MTOR: variants seen among roughly 807,000 people sequenced by gnomAD.
The protein encoded by MTOR is mechanistic target of rapamycin kinase.
Under a neutral mutation model 319.8 loss-of-function variants are expected in MTOR, and 70 were observed. The observed-to-expected ratio is 0.22, with a 90% CI of 0.18 to 0.27. The LOEUF is 0.27. Ranked by LOEUF, MTOR falls within the 10% of genes least tolerant of loss-of-function variation. The pLI is 1.00. For synonymous variants in MTOR, 1,183 were observed against 1,211.4 expected (o/e 0.98, Z 0.49); for missense variants, 1,890 against 3,274.4 (o/e 0.58, Z 10.32).
intron 6 of MTOR, among the ~76,000 whole-genome samples, chr1:11,253,133 C>A (rs1188463671): frequency 6.6e-6 from 1 of 152,120 alleles, no homozygotes; most frequent in East Asian, 1.9e-4. Context: ...CGAATTTTAC[C>A]CTCTTGCTTA....
At chr1:11,220,666 T>A (rs560141384) in intron 19 of MTOR, among the ~76,000 whole-genome samples, 1 of 152,318 alleles carries the variant, frequency 6.6e-6, no homozygotes, top group East Asian at 1.9e-4. Context: ...AACAAGCTTG[T>A]CCAACTCCTC....
chr1:11,223,831 G>A (rs1229456760), intron 19 of MTOR, among the ~76,000 whole-genome samples: 1 of 151,996 alleles, frequency 6.6e-6, no homozygotes, highest in East Asian at 1.9e-4. Context: ...CTTGTGGTCA[G>A]GAGTTTGAGA....
intron 28 of MTOR, among the ~76,000 whole-genome samples, chr1:11,185,172 G>A: frequency 6.6e-6 from 1 of 152,076 alleles, no homozygotes; most frequent in East Asian, 1.9e-4. Context: ...CCAGACACTG[G>A]GCCAGAATAA....
intron 34 of MTOR, among the ~76,000 whole-genome samples, chr1:11,140,542 C>G (rs1365639423): frequency 6.6e-6 from 1 of 152,130 alleles, no homozygotes; most frequent in Non-Finnish European, 1.5e-5. Flanking sequence ...GGTCTGGGGA[C>G]CCCTGCCCTT....
chr1:11,123,944 C>T (rs1372044167), intron 47 of MTOR, among the ~76,000 whole-genome samples: 4 of 152,054 alleles, frequency 2.6e-5, no homozygotes, highest in Non-Finnish European at 5.9e-5. Context: ...GCCGCCACCA[C>T]GCCCAGCTAA....
intron 54 of MTOR, among the ~76,000 whole-genome samples, chr1:11,110,952 G>A (rs1002236293): frequency 6.6e-6 from 1 of 152,144 alleles, no homozygotes; most frequent in African/African-American, 2.4e-5. Context: ...CTTGAGAATT[G>A]TTAGGGAGGT....
intron 14 of MTOR, among the ~76,000 whole-genome samples, chr1:11,233,729 A>C (rs1647100055): frequency 6.6e-6 from 1 of 152,328 alleles, no homozygotes; most frequent in African/African-American, 2.4e-5. Context: ...TGTCTCCTCT[A>C]AACCGAGTCT....
intron 29 of MTOR, among the ~76,000 whole-genome samples, chr1:11,160,914 C>G (rs908632302): frequency 6.6e-6 from 1 of 152,148 alleles, no homozygotes; most frequent in East Asian, 1.9e-4. Flanking sequence ...GTTCATCTCA[C>G]TGGGGCTTGT....
Position 11,198,143 on chromosome 1 carries a change from T to C in MTOR, c.4253+1115A>G, listed in dbSNP as rs574907062. The stretch of plus-strand genomic sequence containing the variant: ...GATCATACTTAGTTACCGTATTTTC[T>C]ATGAGCTATCAAGTGACAGCACATT... On this transcript the variant is annotated intron_variant, in intron 28 of 57. Transcript: ENST00000361445. Among the ~76,000 whole-genome samples the C allele has an allele frequency of 9.2e-5, 14 of 152,372 alleles. No homozygotes were observed. The South Asian group carries it at 2.7e-3, about 29-fold the overall frequency.
At chr1:11,233,304 T>A in intron 15 of MTOR, 94 bp downstream of exon 15, 2 of 1,188,626 alleles carry the variant, frequency 1.7e-6, no homozygotes, top group South Asian at 2.7e-5. Flanking sequence ...TGTGAGACCT[T>A]TCATTTAAAA....
At chr1:11,182,486 A>G (rs1645191848) in intron 28 of MTOR, among the ~76,000 whole-genome samples, 1 of 152,236 alleles carries the variant, frequency 6.6e-6, no homozygotes, top group Non-Finnish European at 1.5e-5. Flanking sequence ...CTATTTTTAC[A>G]CAAACATCCT....
intron 13 of MTOR, among the ~76,000 whole-genome samples, chr1:11,237,237 G>C (rs1647329162): frequency 1.3e-5 from 2 of 152,104 alleles, no homozygotes; most frequent in African/African-American, 4.8e-5. Context: ...TTGCTCACCA[G>C]GAGGCCACAG....
At chr1:11,214,177 C>T (rs182376963) in intron 20 of MTOR, among the ~76,000 whole-genome samples, 1 of 152,332 alleles carries the variant, frequency 6.6e-6, no homozygotes, top group Admixed American at 6.5e-5. Flanking sequence ...AGGGTGACTC[C>T]AGTATTACAA....
At position 11,140,941 on chromosome 1, in the gene MTOR, ATT is replaced by A. The variant is rs1474098645; in HGVS notation, c.4873-1285_4873-1284del. ...TTGTTTTTAAGTTGGTAGCATTTAT[ATT>A]TCTGAAGTTATTAAAGCCTAAACCT... On this transcript the variant is annotated intron_variant, in intron 34 of 57. Transcript: ENST00000361445. 1.2e-4 allele frequency among the ~76,000 whole-genome samples: 17 copies of A among 146,624 alleles called. No homozygotes were observed. The East Asian group carries it at 3.2e-3, about 28-fold the overall frequency.
intron 36 of MTOR, chr1:11,138,976 C>T (rs1223959051): frequency 7.9e-6 from 2 of 253,184 alleles, no homozygotes; most frequent in East Asian, 8.8e-5. Flanking sequence ...TGTGTATTTA[C>T]AAATCTGCTC....
chr1:11,194,629 T>G, intron 28 of MTOR: 1 of 1,614,162 alleles, frequency 6.2e-7, no homozygotes, highest in Non-Finnish European at 8.5e-7. Flanking sequence ...CAATGACAAC[T>G]GCTTGGACAA....
intron 31 of MTOR, 84 bp downstream of exon 31, chr1:11,150,042 A>T: frequency 8.2e-7 from 1 of 1,224,452 alleles, no homozygotes; most frequent in Non-Finnish European, 1.2e-6. Flanking sequence ...ATCTCCACCT[A>T]GAGCCAGCAC....
At chr1:11,144,491 C>T in intron 34 of MTOR, 157 bp downstream of exon 34, 2 of 580,984 alleles carry the variant, frequency 3.4e-6, no homozygotes, top group Non-Finnish European at 6.1e-6. Context: ...GGTGAGGAGC[C>T]TTTGAGTATT....
At chr1:11,159,978 C>A (rs1020368369) in intron 29 of MTOR, among the ~76,000 whole-genome samples, 1 of 152,068 alleles carries the variant, frequency 6.6e-6, no homozygotes, top group Non-Finnish European at 1.5e-5. Flanking sequence ...ATAACAGAAA[C>A]ATTTTAAATA....
Sources: allele counts gnomAD v4.1 joint callset (sites outside exome capture counted in the v4.1 genomes callset), GRCh38; gene constraint gnomAD v4.1.1; transcripts MANE v1.5; gene names NCBI Gene and HGNC (gene_info 2026-07-23, HGNC 2026-07-21).